The following OSBPL10 variants were observed in gnomAD, a reference collection of about 807,000 sequenced individuals.
OSBPL10 encodes oxysterol-binding protein-related protein 10.
Under a neutral mutation model 81.7 loss-of-function variants are expected in OSBPL10, and 49 were observed. The ratio of observed to expected loss-of-function variants is 0.60; its 90% CI spans 0.48 to 0.76. The LOEUF is 0.76. Among genes scored for constraint, OSBPL10 ranks in the 30% least tolerant of loss-of-function variants. The probability of loss-of-function intolerance (pLI) is 0.00; values close to 1 mark genes in which losing one functional copy is unlikely to be tolerated. For synonymous variants in OSBPL10, 419 were observed against 383.6 expected (o/e 1.09, Z -1.08); for missense variants, 923 against 987.8 (o/e 0.93, Z 0.88).
At chr3:31,872,213 G>A (rs775728158) in intron 3 of OSBPL10, among the ~76,000 whole-genome samples, 8 of 152,164 alleles carry the variant, frequency 5.3e-5, no homozygotes, top group Admixed American at 1.3e-4. Flanking sequence ...TGTCCATGCA[G>A]AATCAGAAAC....
chr3:31,812,938 A>T (rs1356703540), intron 4 of OSBPL10, among the ~76,000 whole-genome samples: 1 of 152,100 alleles, frequency 6.6e-6, no homozygotes, highest in African/African-American at 2.4e-5. Context: ...TTTTTTGCTC[A>T]AAATATAGAA....
intron 4 of OSBPL10, among the ~76,000 whole-genome samples, chr3:31,750,636 T>C (rs541670497): frequency 6.6e-6 from 1 of 152,328 alleles, no homozygotes; most frequent in South Asian, 2.1e-4. Flanking sequence ...TCGAGCTATT[T>C]GTAGTCAGCA....
At chr3:31,793,319 T>C (rs978707086) in intron 4 of OSBPL10, among the ~76,000 whole-genome samples, 15 of 152,318 alleles carry the variant, frequency 9.8e-5, no homozygotes, top group African/African-American at 3.6e-4. Context: ...CTCAACTCTG[T>C]TGAAGTTTTC....
chr3:31,980,852 CA>C, intron 1 of OSBPL10, 46 bp downstream of exon 1: 1 of 1,515,416 alleles, frequency 6.6e-7, no homozygotes, highest in Non-Finnish European at 8.8e-7. Flanking sequence ...CACACACACA[CA>C]CACACACACA....
At chr3:32,041,082 C>G (rs150883900) in intron 2 of OSBPL10, among the ~76,000 whole-genome samples, 1 of 152,044 alleles carries the variant, frequency 6.6e-6, no homozygotes, top group Admixed American at 6.6e-5. Context: ...GGCAGGTGCC[C>G]GCTTGGACAG....
chr3:31,711,105 C>A (rs557185420), intron 6 of OSBPL10: 4 of 152,336 alleles, frequency 2.6e-5, no homozygotes, highest in African/African-American at 9.6e-5. Flanking sequence ...TGATTTGAGA[C>A]TTAGTTCAAC....
At chr3:31,994,727 C>T (rs553730995) in intron 2 of OSBPL10, among the ~76,000 whole-genome samples, 1 of 152,298 alleles carries the variant, frequency 6.6e-6, no homozygotes, top group South Asian at 2.1e-4. Context: ...AGATATGTTA[C>T]TGCCAAAGGA....
At position 31,720,465 on chromosome 3, in the gene OSBPL10, G is replaced by A. The variant is rs73053304; in HGVS notation, c.1095+12792C>T. The stretch of plus-strand genomic sequence containing the variant: ...TTCCAATAATGAGTCCAGCTGAGCT[G>A]ACTGCTTTCCTCAACAGGAGCAATA... On this transcript the variant is annotated intron_variant, in intron 6 of 11. Coordinates refer to ENST00000396556, the MANE Select transcript of OSBPL10 (RefSeq NM_017784.5). 4.9e-3 allele frequency among the ~76,000 whole-genome samples: 742 copies of A among 152,308 alleles called. 4 individuals are homozygous for A. Among genetic ancestry groups the A allele is most frequent in the Non-Finnish European group, 8.2e-3 (555 of 68,026 alleles).
intron 6 of OSBPL10, chr3:31,709,165 C>T: frequency 2.3e-6 from 1 of 432,806 alleles, no homozygotes; most frequent in Non-Finnish European, 3.1e-6. Flanking sequence ...CAAGCTAGTC[C>T]CAGCTGCCTT....
At chr3:32,042,733 A>C (rs528604544) in intron 2 of OSBPL10, among the ~76,000 whole-genome samples, 1 of 152,300 alleles carries the variant, frequency 6.6e-6, no homozygotes, top group South Asian at 2.1e-4. Context: ...AATTTTATTA[A>C]GGATTTCAAA....
chr3:31,843,720 A>G (rs1700560399), intron 3 of OSBPL10, among the ~76,000 whole-genome samples: 1 of 152,324 alleles, frequency 6.6e-6, no homozygotes, highest in South Asian at 2.1e-4. Context: ...CAAGTCTATC[A>G]AGAGCTACAT....
At chr3:31,907,287 G>T (rs891128342) in intron 1 of OSBPL10, among the ~76,000 whole-genome samples, 2 of 152,052 alleles carry the variant, frequency 1.3e-5, no homozygotes, top group African/African-American at 4.8e-5. Flanking sequence ...AATAGGGCAG[G>T]TATTCTTTAT....
chr3:31,922,678 T>G (rs192952096), intron 1 of OSBPL10, among the ~76,000 whole-genome samples: 12 of 152,268 alleles, frequency 7.9e-5, no homozygotes, highest in African/African-American at 2.9e-4. Flanking sequence ...TCTATTAATT[T>G]TTTTTAAAAA....
At chr3:31,921,500 C>G (rs1696913667) in intron 1 of OSBPL10, among the ~76,000 whole-genome samples, 1 of 152,108 alleles carries the variant, frequency 6.6e-6, no homozygotes, top group Non-Finnish European at 1.5e-5. Flanking sequence ...AGTGAAAGAG[C>G]CTCCGATGGC....
intron 1 of OSBPL10, among the ~76,000 whole-genome samples, chr3:32,054,805 A>G (rs1699695489): frequency 6.6e-6 from 1 of 152,182 alleles, no homozygotes; most frequent in Non-Finnish European, 1.5e-5. Context: ...TTCTGGGATT[A>G]CAGGCATGAG....
rs201824221 is a variant in OSBPL10, at chr3:31,694,764, GT to G, written c.1245+7594del. Among the ~76,000 whole-genome samples, 10 of 152,126 alleles carry G rather than the reference GT, an allele frequency of 6.6e-5. No individual in the cohort carries two copies. The South Asian group carries it at 8.3e-4, about 13-fold the overall frequency. ...AATCTTTTGTTTGTTTGTTTGTTTT[GT>G]TTTTTTGAGACGGACTTTCACTCTT... On this transcript the variant is annotated intron_variant, in intron 7 of 11. Coordinates refer to ENST00000396556, the MANE Select transcript of OSBPL10 (RefSeq NM_017784.5).
In OSBPL10 at chr3:31,981,022, C is replaced by CT. The variant is rs889173546; in HGVS notation, c.157_158insA (p.Gly53GlufsTer12). ...CACAGAGCCCGGGCTGCTGCGGCTT[C>CT]CCCCGCCGCCGAGCCCGGCCGCCGC... On this transcript the variant is annotated frameshift_variant, in exon 1 of 12. Coordinates refer to ENST00000396556, the MANE Select transcript of OSBPL10 (RefSeq NM_017784.5). LOFTEE classifies it high-confidence loss of function. The surrounding 1 kb of genome is among the most constrained non-coding windows in gnomAD (Gnocchi z 4.5). 1 of 1,472,128 alleles carries CT rather than the reference C, an allele frequency of 6.8e-7. No homozygotes were observed. Among genetic ancestry groups the CT allele is most frequent in the African/African-American group, 1.5e-5 (1 of 67,694 alleles). 91.2% of individuals were successfully genotyped at this position (1,472,128 alleles called of 1,614,324 possible).
At chr3:31,921,464 G>T (rs1038495109) in intron 1 of OSBPL10, among the ~76,000 whole-genome samples, 2 of 152,048 alleles carry the variant, frequency 1.3e-5, no homozygotes, top group African/African-American at 4.8e-5. Context: ...CAATGATGGG[G>T]GTATGTCAAA....
chr3:31,706,692 TAAAC>T (rs1230713456), intron 6 of OSBPL10, among the ~76,000 whole-genome samples: 2 of 152,190 alleles, frequency 1.3e-5, no homozygotes, highest in Non-Finnish European at 2.9e-5. Context: ...TTTCATCTCT[TAAAC>T]AAATATCTTA....
Sources: allele counts gnomAD v4.1 joint callset (sites outside exome capture counted in the v4.1 genomes callset), GRCh38; gene constraint gnomAD v4.1.1; non-coding constraint Gnocchi (gnomAD v3.1); transcripts MANE v1.5; gene names NCBI Gene and HGNC (gene_info 2026-07-23, HGNC 2026-07-21).